The following EBF1 variants were observed in gnomAD, a reference collection of about 807,000 sequenced individuals.
EBF1 encodes EBF transcription factor 1, also known as transcription factor COE1.
EBF1 carries 10 observed loss-of-function variants against 68.4 expected under a neutral mutation model. That is an observed-to-expected ratio of 0.15 (90% confidence interval 0.09 to 0.25). The LOEUF is 0.25. EBF1 is among the 10% of genes least tolerant of loss of function. The probability of loss-of-function intolerance (pLI) is 1.00; values close to 1 mark genes in which losing one functional copy is unlikely to be tolerated. For synonymous variants in EBF1, 298 were observed against 299.8 expected (o/e 0.99, Z 0.06); for missense variants, 509 against 794.4 (o/e 0.64, Z 4.32).
chr5:159,084,696 C>T lies in EBF1; in HGVS notation c.455G>A (p.Arg152Gln), dbSNP rs1780334245. The change falls in exon 5 of 16, where the codon CGA becomes CAA. Residue 152 changes from arginine (R) to glutamine (Q), a missense_variant. Physicochemically the swap from Arg to Gln is conservative, Grantham distance 43. Transcript: ENST00000313708. ...EGQDKNPEMC[R>Q]VLLTHEIMCS... ...CATGATCTCATGTGTGAGCAAGACT[C>T]GGCACATTTCTGGGTTCTTGTCTTG... is the stretch of plus-strand genomic sequence containing the variant. 2 of 1,600,070 alleles carry T rather than the reference C, an allele frequency of 1.2e-6. No homozygotes were observed. The highest frequency in any genetic ancestry group is 1.3e-5 in the African/African-American group (1 of 74,392).
intron 5 of EBF1, among the ~76,000 whole-genome samples, chr5:159,075,175 T>C (rs1032212171): frequency 1.3e-5 from 2 of 152,178 alleles, no homozygotes; most frequent in African/African-American, 4.8e-5. Flanking sequence ...TTGCAGTATC[T>C]ACCTCTAAAT....
intron 6 of EBF1, among the ~76,000 whole-genome samples, chr5:158,950,689 T>C (rs1246387240): frequency 6.6e-6 from 1 of 152,208 alleles, no homozygotes; most frequent in Non-Finnish European, 1.5e-5. Context: ...AGGAAAAGGC[T>C]ATAAATGAGT....
At chr5:158,776,589 C>G (rs768285316) in intron 10 of EBF1, among the ~76,000 whole-genome samples, 6 of 152,136 alleles carry the variant, frequency 3.9e-5, no homozygotes, top group Non-Finnish European at 7.4e-5. Context: ...GTGGAGACAG[C>G]TACCACTATC....
chr5:159,098,921 G>A (rs1195522425), intron 1 of EBF1, among the ~76,000 whole-genome samples: 1 of 151,336 alleles, frequency 6.6e-6, no homozygotes, highest in Non-Finnish European at 1.5e-5. Flanking sequence ...AAAAAGGAAG[G>A]AAGGAAGAGA....
chr5:158,889,541 T>G (rs6556369), intron 6 of EBF1, among the ~76,000 whole-genome samples: 143,878 of 152,264 alleles, frequency 0.94, 68,073 homozygotes, highest in East Asian at 1. Context: ...TACATCTAAG[T>G]TATTTATGAT....
chr5:158,979,580 A>T (rs187228083), intron 6 of EBF1, among the ~76,000 whole-genome samples: 168 of 152,284 alleles, frequency 1.1e-3, no homozygotes, highest in African/African-American at 3.9e-3. Context: ...GCACTTTATC[A>T]GATTAGACTG....
intron 6 of EBF1, among the ~76,000 whole-genome samples, chr5:159,021,171 C>A (rs1019282424): frequency 1.3e-5 from 2 of 152,110 alleles, no homozygotes; most frequent in African/African-American, 4.8e-5. Context: ...AATTGAAGAC[C>A]CTGGTACTTA....
intron 8 of EBF1, among the ~76,000 whole-genome samples, chr5:158,819,753 A>G (rs942256983): frequency 3.3e-5 from 5 of 152,250 alleles, no homozygotes; most frequent in African/African-American, 1.2e-4. Flanking sequence ...TACATCTTCC[A>G]TAAAGCTATT....
At chr5:158,989,194 G>A (rs1254226279) in intron 6 of EBF1, among the ~76,000 whole-genome samples, 1 of 152,208 alleles carries the variant, frequency 6.6e-6, no homozygotes, top group Non-Finnish European at 1.5e-5. Flanking sequence ...GACAGCGACA[G>A]TCTGTACCTC....
intron 8 of EBF1, among the ~76,000 whole-genome samples, chr5:158,810,872 A>G (rs1213571169): frequency 1.3e-5 from 2 of 152,052 alleles, no homozygotes; most frequent in African/African-American, 4.8e-5. Flanking sequence ...TGCTTCTGTT[A>G]TAACTGACCA....
intron 6 of EBF1, among the ~76,000 whole-genome samples, chr5:158,901,739 A>T (rs1803391267): frequency 6.6e-6 from 1 of 152,226 alleles, no homozygotes; most frequent in Non-Finnish European, 1.5e-5. Flanking sequence ...GGAGGTATAG[A>T]GAATGCAGTA....
At chr5:158,797,486 C>G (rs1438796645) in intron 8 of EBF1, among the ~76,000 whole-genome samples, 1 of 152,150 alleles carries the variant, frequency 6.6e-6, no homozygotes, top group Non-Finnish European at 1.5e-5. Context: ...GGACCCTCAT[C>G]TTTAATAAAA....
At chr5:158,888,800 C>T (rs1800557787) in intron 6 of EBF1, among the ~76,000 whole-genome samples, 1 of 152,112 alleles carries the variant, frequency 6.6e-6, no homozygotes, top group Non-Finnish European at 1.5e-5. Flanking sequence ...ACTCCAGGAA[C>T]ACTCACCACC....
At chr5:158,855,986 G>A (rs952082475) in intron 6 of EBF1, among the ~76,000 whole-genome samples, 4 of 152,148 alleles carry the variant, frequency 2.6e-5, no homozygotes, top group Non-Finnish European at 4.4e-5. Flanking sequence ...CACACAAAGT[G>A]GAGGATATAA....
intron 6 of EBF1, among the ~76,000 whole-genome samples, chr5:159,039,571 A>T (rs34554817): frequency 0.079 from 12,103 of 152,296 alleles, 502 homozygotes; most frequent in Middle Eastern, 0.12. Flanking sequence ...GATTTTAAGA[A>T]AGAAAGAAAC....
At chr5:158,888,454 G>C (rs1800480377) in intron 6 of EBF1, among the ~76,000 whole-genome samples, 1 of 152,124 alleles carries the variant, frequency 6.6e-6, no homozygotes, top group Non-Finnish European at 1.5e-5. Context: ...TGTGAACCTA[G>C]TATAGAGTCA....
intron 6 of EBF1, among the ~76,000 whole-genome samples, chr5:158,925,041 C>A (rs1250012597): frequency 1.3e-5 from 2 of 151,986 alleles, no homozygotes; most frequent in Non-Finnish European, 2.9e-5. Context: ...TTCTGTTCCT[C>A]AAATAAACTA....
intron 5 of EBF1, among the ~76,000 whole-genome samples, chr5:159,077,915 T>A (rs1369879337): frequency 6.6e-6 from 1 of 151,894 alleles, no homozygotes; most frequent in African/African-American, 2.4e-5. Flanking sequence ...ATTTTGTGTA[T>A]TTTTTGTGGA....
chr5:159,068,730 A>C (rs1291713308), intron 6 of EBF1, among the ~76,000 whole-genome samples: 1 of 152,154 alleles, frequency 6.6e-6, no homozygotes, highest in African/African-American at 2.4e-5. Flanking sequence ...TATTTCAGAT[A>C]ATCATAAAAC....
Sources: allele counts gnomAD v4.1 joint callset (sites outside exome capture counted in the v4.1 genomes callset), GRCh38; gene constraint gnomAD v4.1.1; transcripts MANE v1.5; gene names NCBI Gene and HGNC (gene_info 2026-07-23, HGNC 2026-07-21).